The following CHM variants were observed in gnomAD, a reference collection of about 807,000 sequenced individuals.
The protein encoded by CHM is rab proteins geranylgeranyltransferase component A 1.
Under a neutral mutation model 49.0 loss-of-function variants are expected in CHM, and 10 were observed. The observed-to-expected ratio is 0.20, with a 90% CI of 0.13 to 0.35. The LOEUF (loss-of-function observed/expected upper bound fraction) is 0.35. Ranked by LOEUF, CHM falls within the 10% of genes least tolerant of loss-of-function variation. CHM has a pLI of 1.00. For synonymous variants in CHM, 184 were observed against 167.5 expected (o/e 1.10, Z -0.76); for missense variants, 455 against 478.4 (o/e 0.95, Z 0.46).
At chrX:85,992,227 T>C (rs749179306) in intron 2 of CHM, among the ~76,000 whole-genome samples, 74 of 111,894 alleles carry the variant, frequency 6.6e-4, no homozygotes, top group Middle Eastern at 9.2e-3. Context: ...CCCCAATTCA[T>C]CTGGATAATA....
intron 8 of CHM, among the ~76,000 whole-genome samples, chrX:85,935,537 G>T (rs1293389378): frequency 8.9e-6 from 1 of 111,796 alleles, no homozygotes; most frequent in East Asian, 2.8e-4. Context: ...ATAGCCTATT[G>T]TTCCTAGGCT....
chrX:85,896,657 G>T (rs1925849769), intron 11 of CHM, among the ~76,000 whole-genome samples: 1 of 107,693 alleles, frequency 9.3e-6, no homozygotes, highest in Non-Finnish European at 1.9e-5. Context: ...TATGCCCAAA[G>T]CAAGGCATAC....
chrX:86,006,600 G>A (rs1461120414), intron 2 of CHM, among the ~76,000 whole-genome samples: 1 of 111,564 alleles, frequency 9.0e-6, no homozygotes, highest in Non-Finnish European at 1.9e-5. Flanking sequence ...AAAATCACAA[G>A]CATTCCTATA....
intron 8 of CHM, among the ~76,000 whole-genome samples, chrX:85,923,763 G>T (rs1366080390): frequency 9.0e-6 from 1 of 111,026 alleles, no homozygotes; most frequent in African/African-American, 3.3e-5. Flanking sequence ...ATAAGGTGAA[G>T]GTGATATGGG....
chrX:85,961,418 CAA>C (rs1204463688), intron 5 of CHM, among the ~76,000 whole-genome samples: 25 of 24,355 alleles, frequency 1.0e-3, no homozygotes, highest in Middle Eastern at 0.017. Context: ...GACTCTGTCT[CAA>C]AAAAAAAAAA....
intron 5 of CHM, among the ~76,000 whole-genome samples, chrX:85,960,849 G>A (rs1434362767): frequency 9.0e-6 from 1 of 111,377 alleles, no homozygotes; most frequent in Non-Finnish European, 1.9e-5. Context: ...TTAGCATGTT[G>A]GTTCCATAAT....
chrX:86,023,358 C>A (rs1187905605), intron 2 of CHM, among the ~76,000 whole-genome samples: 1 of 110,851 alleles, frequency 9.0e-6, no homozygotes, highest in Non-Finnish European at 1.9e-5. Flanking sequence ...TCTCTCAAAT[C>A]TTTGTACATG....
intron 8 of CHM, among the ~76,000 whole-genome samples, chrX:85,934,212 C>G (rs1293751590): frequency 9.3e-6 from 1 of 107,172 alleles, no homozygotes; most frequent in Non-Finnish European, 1.9e-5. Context: ...GATCTCCTGA[C>G]CTTGTGATCT....
intron 8 of CHM, among the ~76,000 whole-genome samples, chrX:85,939,443 C>A (rs1193597471): frequency 8.9e-6 from 1 of 112,322 alleles, no homozygotes; most frequent in African/African-American, 3.2e-5. Context: ...TTAATGCTTA[C>A]ACCAACAAGG....
At chrX:85,957,705 G>A in intron 7 of CHM, 150 bp downstream of exon 7, 1 of 573,713 alleles carries the variant, frequency 1.7e-6, no homozygotes, top group Non-Finnish European at 2.6e-6. Context: ...AATTTAAATA[G>A]CTAAATGTTA....
chrX:85,961,730 G>A (rs760324142), intron 5 of CHM, among the ~76,000 whole-genome samples: 2 of 111,345 alleles, frequency 1.8e-5, no homozygotes, highest in Non-Finnish European at 1.9e-5. Context: ...TTTGTAGAAC[G>A]TATGAACCCA....
chrX:86,008,798 T>A (rs998842237), intron 2 of CHM, among the ~76,000 whole-genome samples: 2 of 112,046 alleles, frequency 1.8e-5, no homozygotes, highest in Admixed American at 1.9e-4. Flanking sequence ...CAAAAATGAA[T>A]GGACATGTCT....
intron 4 of CHM, among the ~76,000 whole-genome samples, chrX:85,964,365 TTAGA>T (rs1217638899): frequency 2.7e-5 from 3 of 110,508 alleles, no homozygotes; most frequent in Non-Finnish European, 3.8e-5. Flanking sequence ...CTCTGCGAAC[TTAGA>T]TACTTATGTA....
chrX:85,862,223 CAT>C lies in CHM; in HGVS notation c.*2405_*2406del, dbSNP rs1923390256. The C allele has an allele frequency of 8.9e-6, 1 of 112,303 alleles. No homozygotes were observed. Among genetic ancestry groups the C allele is most frequent in the African/African-American group, 3.2e-5 (1 of 30,871 alleles). The allele number at this position is 112,303 out of a possible 1,213,427, so 9.3% of individuals were successfully genotyped here. On this transcript the variant is annotated 3_prime_UTR_variant, in exon 15 of 15. Transcript: ENST00000357749. ...ACAAACTATCTCCTCCATTGTTCTA[CAT>C]ATAGGTGGCTGCAGTAAGGCCAATA... is the stretch of plus-strand genomic sequence containing the variant.
At chrX:85,922,287 G>GT (rs1927838507) in intron 8 of CHM, among the ~76,000 whole-genome samples, 1 of 112,498 alleles carries the variant, frequency 8.9e-6, no homozygotes, top group East Asian at 2.8e-4. Flanking sequence ...AATTATCAGA[G>GT]TTTTCACTTA....
At chrX:85,915,579 T>C (rs1381489022) in intron 8 of CHM, among the ~76,000 whole-genome samples, 2 of 112,309 alleles carry the variant, frequency 1.8e-5, no homozygotes, top group African/African-American at 6.5e-5. Flanking sequence ...TTTCTTAAGC[T>C]AATAAACAAC....
chrX:85,990,854 C>T (rs1932151107), intron 2 of CHM, among the ~76,000 whole-genome samples: 1 of 111,696 alleles, frequency 9.0e-6, no homozygotes, highest in Non-Finnish European at 1.9e-5. Flanking sequence ...AATTACAATT[C>T]AGTGTTGAAT....
intron 12 of CHM, among the ~76,000 whole-genome samples, chrX:85,888,153 C>T (rs1007021191): frequency 8.4e-4 from 64 of 76,503 alleles, no homozygotes; most frequent in African/African-American, 3.1e-3. Flanking sequence ...GCCTGGAGGC[C>T]TAAGAGGAAA....
In CHM at chrX:85,967,977, A is replaced by G. The variant is rs746295780; in HGVS notation, c.315-3925T>C. Among the ~76,000 whole-genome samples, 3 of 111,467 alleles carry G rather than the reference A, an allele frequency of 2.7e-5. No individual in the cohort carries two copies. In the South Asian group the frequency reaches 1.1e-3, roughly 42 times the overall value. On this transcript the variant is annotated intron_variant, in intron 4 of 14. Coordinates refer to ENST00000357749, the MANE Select transcript of CHM (RefSeq NM_000390.4). ...AAACTGAGGAACAGGTGTTTAATTT[A>G]TTCAGCACAGGTGTTCACCATTTAT... is the stretch of plus-strand genomic sequence containing the variant.
Sources: gnomAD v4.1 joint callset for allele counts (sites outside exome capture counted in the v4.1 genomes callset) on GRCh38, gnomAD v4.1.1 for gene constraint, MANE v1.5 for transcripts, NCBI Gene and HGNC (gene_info 2026-07-23, HGNC 2026-07-21) for gene names.